HHAT: variants seen among roughly 807,000 people sequenced by gnomAD.
HHAT encodes hedgehog acyltransferase, also known as protein-cysteine N-palmitoyltransferase HHAT.
A neutral mutation model predicts 70.8 loss-of-function variants in HHAT; 47 were observed. The ratio of observed to expected loss-of-function variants is 0.66; its 90% CI spans 0.53 to 0.85. The LOEUF is 0.85. HHAT is among the 40% of genes least tolerant of loss of function. The pLI is 0.00. For synonymous variants in HHAT, 228 were observed against 247.6 expected (o/e 0.92, Z 0.74); for missense variants, 609 against 604.8 (o/e 1.01, Z -0.07).
chr1:210,583,162 C>A (rs918291397), intron 9 of HHAT, among the ~76,000 whole-genome samples: 11 of 152,168 alleles, frequency 7.2e-5, no homozygotes, highest in African/African-American at 2.7e-4. Context: ...TGCATGGGCA[C>A]TCAGTAAAGG....
intron 3 of HHAT, among the ~76,000 whole-genome samples, chr1:210,373,310 G>T (rs2089748801): frequency 6.6e-6 from 1 of 152,164 alleles, no homozygotes; most frequent in South Asian, 2.1e-4. Context: ...GTATGGGGAA[G>T]TGGGAAGGAG....
intron 1 of HHAT, among the ~76,000 whole-genome samples, chr1:210,338,226 G>C (rs2085687878): frequency 6.6e-6 from 1 of 152,004 alleles, no homozygotes; most frequent in African/African-American, 2.4e-5. Flanking sequence ...TATAGTCCCA[G>C]CTACTCGGGA....
At chr1:210,605,651 C>T (rs1665241578) in intron 10 of HHAT, among the ~76,000 whole-genome samples, 1 of 152,122 alleles carries the variant, frequency 6.6e-6, no homozygotes, top group South Asian at 2.1e-4. Context: ...AAAACTGAAA[C>T]CTGAAAGTTT....
At chr1:210,483,636 A>T (rs1274503687) in intron 8 of HHAT, among the ~76,000 whole-genome samples, 2 of 152,076 alleles carry the variant, frequency 1.3e-5, no homozygotes, top group African/African-American at 4.8e-5. Context: ...TAAAATGCAA[A>T]GTGGAAGAAG....
intron 7 of HHAT, among the ~76,000 whole-genome samples, chr1:210,435,195 A>G (rs1165621550): frequency 1.3e-5 from 2 of 151,756 alleles, no homozygotes; most frequent in African/African-American, 4.9e-5. Context: ...TCACTTTTAT[A>G]TCTCTGACAT....
intron 1 of HHAT, among the ~76,000 whole-genome samples, chr1:210,345,510 A>G (rs937655104): frequency 1.3e-5 from 2 of 152,184 alleles, no homozygotes; most frequent in Non-Finnish European, 2.9e-5. Flanking sequence ...TTGCTGATTC[A>G]CCAAACTTGG....
intron 8 of HHAT, among the ~76,000 whole-genome samples, chr1:210,489,924 C>T (rs187318897): frequency 1.1e-3 from 167 of 152,284 alleles, no homozygotes; most frequent in Non-Finnish European, 2.1e-3. Context: ...TATTTCAGAT[C>T]AGTTGAGTGG....
intron 9 of HHAT, among the ~76,000 whole-genome samples, chr1:210,562,399 G>C (rs1356520580): frequency 1.7e-5 from 2 of 114,514 alleles, no homozygotes; most frequent in Admixed American, 2.3e-4. Context: ...GGGCCAAGGG[G>C]TGGGGGGTGG....
chr1:210,647,303 T>G (rs1674252690), intron 11 of HHAT, among the ~76,000 whole-genome samples: 1 of 152,208 alleles, frequency 6.6e-6, no homozygotes, highest in Non-Finnish European at 1.5e-5. Flanking sequence ...CTTCATTACA[T>G]CTGCAAAGAT....
At chr1:210,568,305 C>G (rs1426013609) in intron 9 of HHAT, among the ~76,000 whole-genome samples, 1 of 152,216 alleles carries the variant, frequency 6.6e-6, no homozygotes, top group Non-Finnish European at 1.5e-5. Flanking sequence ...CTTTATGCAT[C>G]TCTTCATCTC....
intron 10 of HHAT, among the ~76,000 whole-genome samples, chr1:210,620,668 A>C (rs1668642666): frequency 1.3e-5 from 2 of 152,184 alleles, no homozygotes; most frequent in African/African-American, 2.4e-5. Context: ...GGGGATAATC[A>C]AGAATTGCCT....
At chr1:210,328,278 G>C (rs2084696378), upstream of HHAT, 1 of 152,134 alleles carries the variant, frequency 6.6e-6, no homozygotes. Context: ...GGAGGCCTCC[G>C]AGCAGCAACA....
chr1:210,442,908 A>C (rs34760276), intron 7 of HHAT, among the ~76,000 whole-genome samples: 6 of 152,042 alleles, frequency 3.9e-5, no homozygotes, highest in African/African-American at 9.6e-5. Context: ...TTGGTGTTTT[A>C]GACATGAAGT....
chr1:210,434,887 T>C (rs1254723865), intron 7 of HHAT, among the ~76,000 whole-genome samples: 3 of 151,926 alleles, frequency 2.0e-5, no homozygotes, highest in Non-Finnish European at 2.9e-5. Context: ...ATATATGATG[T>C]ACATATTTTG....
intron 11 of HHAT, among the ~76,000 whole-genome samples, chr1:210,637,871 A>AGGGGGGG (rs1553312397): frequency 8.5e-6 from 1 of 117,500 alleles, no homozygotes; most frequent in African/African-American, 3.2e-5. Flanking sequence ...AAAAAAAAAA[A>AGGGGGGG]GGGGGGGGCA....
intron 7 of HHAT, among the ~76,000 whole-genome samples, chr1:210,421,599 C>T (rs1210893033): frequency 3.3e-5 from 5 of 152,074 alleles, no homozygotes; most frequent in Non-Finnish European, 4.4e-5. Flanking sequence ...CATGCACCAC[C>T]GTGCCCAGCT....
intron 8 of HHAT, among the ~76,000 whole-genome samples, chr1:210,493,272 A>T (rs919644866): frequency 6.6e-6 from 1 of 151,814 alleles, no homozygotes; most frequent in African/African-American, 2.4e-5. Flanking sequence ...ATACATATTT[A>T]TATATATTTA....
intron 9 of HHAT, among the ~76,000 whole-genome samples, chr1:210,529,318 GAA>G (rs10584556): frequency 0.23 from 27,194 of 118,656 alleles, 3,071 homozygotes; most frequent in Middle Eastern, 0.33. Flanking sequence ...AAAAACAAAG[GAA>G]AAAAAAAAAA....
chr1:210,559,906 T>C lies in HHAT; in HGVS notation c.1044-27992T>C, dbSNP rs573679115. Among the ~76,000 whole-genome samples, 4 of 152,328 alleles carry C rather than the reference T, an allele frequency of 2.6e-5. No homozygotes were observed. In the South Asian group the frequency reaches 8.3e-4, roughly 32 times the overall value. The stretch of plus-strand genomic sequence containing the variant: ...AATTCCTTCCCAAAGACATTTCTAA[T>C]GAGGTTGAAAGCCTGCTCAGTCAGG... On this transcript the variant is annotated intron_variant, in intron 9 of 11. Coordinates refer to ENST00000261458, the MANE Select transcript of HHAT (RefSeq NM_018194.6).
Sources: allele counts gnomAD v4.1 joint callset (sites outside exome capture counted in the v4.1 genomes callset), GRCh38; gene constraint gnomAD v4.1.1; transcripts MANE v1.5; gene names NCBI Gene and HGNC (gene_info 2026-07-23, HGNC 2026-07-21).